Variants in COL4A6 observed in about 807,000 individuals in gnomAD.
COL4A6 encodes collagen type IV alpha 6 chain.
A neutral mutation model predicts 126.7 loss-of-function variants in COL4A6; 59 were observed. The ratio of observed to expected loss-of-function variants is 0.47; its 90% CI spans 0.38 to 0.58. The LOEUF is 0.58. Ranked by LOEUF, COL4A6 falls within the 20% of genes least tolerant of loss-of-function variation. The pLI, the probability that COL4A6 is intolerant of heterozygous loss-of-function variation, is 0.00. For synonymous variants in COL4A6, 547 were observed against 496.6 expected (o/e 1.10, Z -1.35); for missense variants, 1,285 against 1,337.3 (o/e 0.96, Z 0.61).
At chrX:108,380,323 A>G (rs1471827756) in intron 2 of COL4A6, among the ~76,000 whole-genome samples, 1 of 112,589 alleles carries the variant, frequency 8.9e-6, no homozygotes, top group Non-Finnish European at 1.9e-5. Context: ...TTGCCATTTA[A>G]GAAAAAAAAG....
intron 2 of COL4A6, among the ~76,000 whole-genome samples, chrX:108,435,356 C>G (rs1177658994): frequency 8.9e-6 from 1 of 112,078 alleles, no homozygotes; most frequent in Non-Finnish European, 1.9e-5. Context: ...TCTTTCTAGA[C>G]ATTTCGCTAA....
At chrX:108,393,563 G>A (rs2040884695) in intron 2 of COL4A6, among the ~76,000 whole-genome samples, 1 of 111,760 alleles carries the variant, frequency 8.9e-6, no homozygotes, top group Non-Finnish European at 1.9e-5. Flanking sequence ...TGACTGTGGT[G>A]ATAGTTATAA....
intron 43 of COL4A6, chrX:108,160,004 C>T (rs187933984): frequency 4.0e-5 from 17 of 429,627 alleles, no homozygotes; most frequent in South Asian, 6.6e-5. Flanking sequence ...AAAGAAACAG[C>T]GTTTAATAGA....
At chrX:108,403,282 C>CTCTCTCTCTCT in intron 2 of COL4A6, among the ~76,000 whole-genome samples, 1 of 75,293 alleles carries the variant, frequency 1.3e-5, no homozygotes, top group South Asian at 6.3e-4. Flanking sequence ...CTCTCTCTCT[C>CTCTCTCTCTCT]ATCTTGTTTT....
At chrX:108,399,550 G>A (rs969059931) in intron 2 of COL4A6, among the ~76,000 whole-genome samples, 2 of 111,259 alleles carry the variant, frequency 1.8e-5, no homozygotes, top group African/African-American at 6.5e-5. Context: ...CAAGTTTTTA[G>A]TTGGATTGTT....
At chrX:108,390,523 G>A in intron 2 of COL4A6, among the ~76,000 whole-genome samples, 1 of 107,454 alleles carries the variant, frequency 9.3e-6, no homozygotes, top group East Asian at 3.0e-4. Context: ...GATCATTCTG[G>A]CTGTTGATAC....
chrX:108,391,412 A>G (rs2040836560), intron 2 of COL4A6, among the ~76,000 whole-genome samples: 1 of 111,475 alleles, frequency 9.0e-6, no homozygotes, highest in Non-Finnish European at 1.9e-5. Flanking sequence ...AGGAATCTAG[A>G]GAGGCAGGAG....
At chrX:108,327,348 T>C (rs1207499825) in intron 2 of COL4A6, among the ~76,000 whole-genome samples, 2 of 103,628 alleles carry the variant, frequency 1.9e-5, no homozygotes, top group Non-Finnish European at 3.9e-5. Flanking sequence ...TATGGAAAAA[T>C]TGTCTTCCAC....
At chrX:108,182,985 A>C (rs2034733273) in intron 23 of COL4A6, among the ~76,000 whole-genome samples, 1 of 112,331 alleles carries the variant, frequency 8.9e-6, no homozygotes, top group Non-Finnish European at 1.9e-5. Flanking sequence ...GGTCAAAGGA[A>C]AGATGGTTAG....
chrX:108,164,987 T>G lies in COL4A6; in HGVS notation c.3860A>C (p.Gln1287Pro). ...PPGPPGPSSN[Q>P]GDTGDPGFPG... ...GAAGCCAGGGTCTCCGGTGTCGCCTTGATTCGAGGATGGCCCAGGGGGACC... is the reference window on the plus strand; with the variant it reads ...GAAGCCAGGGTCTCCGGTGTCGCCTGGATTCGAGGATGGCCCAGGGGGACC... The change falls in exon 39 of 45, where the codon CAA becomes CCA. Residue 1287 changes from glutamine (Q) to proline (P), a missense_variant. Transcript: ENST00000334504. The G allele has an allele frequency of 8.3e-7, 1 of 1,210,420 alleles. No individual in the cohort carries two copies. Among genetic ancestry groups the G allele is most frequent in the Non-Finnish European group, 1.1e-6 (1 of 895,052 alleles).
Position 108,231,080 on chromosome X carries a change from C to T in COL4A6, c.145-9706G>A, listed in dbSNP as rs753484606. ...CAAGAGCAGTGACCCTTTCCATCTA[C>T]ATACATACATACATACATACATACA... On this transcript the variant is annotated intron_variant, in intron 3 of 44. Coordinates refer to ENST00000334504, the MANE Select transcript of COL4A6 (RefSeq NM_033641.4). Among the ~76,000 whole-genome samples the T allele has an allele frequency of 3.9e-5, 3 of 76,783 alleles. No individual in the cohort carries two copies. The South Asian group carries it at 1.5e-3, about 38-fold the overall frequency. The allele number at this position is 76,783 out of a possible 115,157, so 66.7% of individuals were successfully genotyped here.
rs144439298 is a variant in COL4A6 at position 108,275,673 on chromosome X, C to T, written c.144+35075G>A. On this transcript the variant is annotated intron_variant, in intron 3 of 44. Transcript: ENST00000334504. ...TGTTTAACCTTTAATAAATCAGGAT[C>T]ACTGCTCAAAGGAGATAAAGCAATT... Among the ~76,000 whole-genome samples the T allele has an allele frequency of 1.1e-3, 122 of 112,944 alleles. 2 individuals carry two copies. In the East Asian group the frequency reaches 0.028, roughly 25 times the overall value.
Position 108,211,751 on chromosome X carries a change from T to C in COL4A6, c.442-11A>G, listed in dbSNP as rs369512995. The C allele has an allele frequency of 7.5e-6, 9 of 1,198,910 alleles. No homozygotes were observed. Among genetic ancestry groups the C allele is most frequent in the Admixed American group, 4.4e-5 (2 of 45,844 alleles). ...CTGACCAGGAAGCCCCTGAGTAAAATAGTTTAAAAAATTGAAGAAATACAC... is the reference window on the plus strand; with the variant it reads ...CTGACCAGGAAGCCCCTGAGTAAAACAGTTTAAAAAATTGAAGAAATACAC... On this transcript the variant is annotated splice_polypyrimidine_tract_variant and intron_variant, in intron 6 of 44. Transcript: ENST00000334504.
intron 3 of COL4A6, among the ~76,000 whole-genome samples, chrX:108,251,097 G>A (rs1021750361): frequency 9.0e-6 from 1 of 111,281 alleles, no homozygotes; most frequent in African/African-American, 3.3e-5. Flanking sequence ...AATGCACAGA[G>A]CTAAGTCTAA....
intron 6 of COL4A6, among the ~76,000 whole-genome samples, chrX:108,213,486 G>T (rs971860472): frequency 8.9e-6 from 1 of 112,136 alleles, no homozygotes; most frequent in Non-Finnish European, 1.9e-5. Context: ...ATAACCAAGG[G>T]TTATGATGTG....
intron 2 of COL4A6, among the ~76,000 whole-genome samples, chrX:108,353,681 AGCACAGG>A (rs2072839056): frequency 8.9e-6 from 1 of 111,995 alleles, no homozygotes; most frequent in African/African-American, 3.3e-5. Context: ...AAACCAAAAG[AGCACAGG>A]GCATATACAG....
intron 3 of COL4A6, among the ~76,000 whole-genome samples, chrX:108,307,576 C>T (rs1226062010): frequency 8.9e-6 from 1 of 112,388 alleles, no homozygotes; most frequent in Non-Finnish European, 1.9e-5. Flanking sequence ...AAAGTACACA[C>T]TGCCCAGCAA....
rs189712749 is a variant in COL4A6 at position 108,180,892 on chromosome X, C to T, written c.2023+5G>A. 8.3e-7 allele frequency: 1 copy of T among 1,206,424 alleles called. No homozygotes were observed. Among genetic ancestry groups the T allele is most frequent in the East Asian group, 3.0e-5 (1 of 33,735 alleles). ...TTAGTGGCTTTCTCTGGCCTCATTC[C>T]ATACCTGGGAATCCGGGAGTGCCTG... On this transcript the variant is annotated splice_donor_5th_base_variant and intron_variant, in intron 24 of 44. Transcript: ENST00000334504.
rs763792367 is a variant in COL4A6, at chrX:108,213,294, G to C, written c.441+818C>G. ...CCCTCATGAGTTTAGATTATTTCAA[G>C]GGAGGTTGACAATGAGTCTGAAATG... On this transcript the variant is annotated intron_variant, in intron 6 of 44. Coordinates refer to ENST00000334504, the MANE Select transcript of COL4A6 (RefSeq NM_033641.4). Among the ~76,000 whole-genome samples, 8 of 112,381 alleles carry C rather than the reference G, an allele frequency of 7.1e-5. No homozygotes were observed. In the East Asian group the frequency reaches 2.2e-3, roughly 31 times the overall value.
Sources: allele counts gnomAD v4.1 joint callset (sites outside exome capture counted in the v4.1 genomes callset), GRCh38; gene constraint gnomAD v4.1.1; transcripts MANE v1.5; gene names NCBI Gene and HGNC (gene_info 2026-07-23, HGNC 2026-07-21).